The following MYH2 variants were observed in gnomAD, a reference collection of about 807,000 sequenced individuals.
MYH2 encodes the protein myosin heavy chain 2, also known as myosin-2.
MYH2 carries 139 observed loss-of-function variants against 228.1 expected under a neutral mutation model. That is an observed-to-expected ratio of 0.61 (90% CI 0.53 to 0.70). MYH2 has a LOEUF of 0.70. Ranked by LOEUF, MYH2 falls within the 30% of genes least tolerant of loss-of-function variation. The pLI is 0.00. For synonymous variants in MYH2, 796 were observed against 871.1 expected, an observed-to-expected ratio of 0.91 and a Z score of 1.52; for missense variants, 1,809 against 2,357.5, an observed-to-expected ratio of 0.77 and a Z score of 4.82.
chr17:10,533,896 A>G (rs1446597663), intron 19 of MYH2, among the ~76,000 whole-genome samples: 2 of 152,202 alleles, frequency 1.3e-5, no homozygotes, highest in Non-Finnish European at 2.9e-5. Context: ...GGGACACATT[A>G]TGGTGTGCCT....
chr17:10,543,784 A>G lies in MYH2; in HGVS notation c.668T>C (p.Ile223Thr). 6.2e-7 allele frequency: 1 copy of G among 1,614,152 alleles called. No individual in the cohort carries two copies. Among genetic ancestry groups the G allele is most frequent in the Non-Finnish European group, 8.5e-7 (1 of 1,180,026 alleles). Residue 223 changes from isoleucine to threonine, a missense_variant, in exon 8 of 40, where the codon ATC (isoleucine) becomes ACC (threonine). Around this residue, in one of 9 missense-constraint regions of MYH2, gnomAD observed 373 missense variants for 620.4 expected, o/e 0.60. Coordinates refer to ENST00000245503, the MANE Select transcript of MYH2 (RefSeq NM_017534.6). ...CTCCAGTAGGGGGTTGGCACTGATGATTTGATCTTCCAGAGTCCCCTGCAA... is the reference window on the plus strand; with the variant it reads ...CTCCAGTAGGGGGTTGGCACTGATGGTTTGATCTTCCAGAGTCCCCTGCAA... ...GKIQGTLEDQ[I>T]ISANPLLEAF...
intron 4 of MYH2, among the ~76,000 whole-genome samples, chr17:10,546,255 TGATATATATATATA>T (rs1195240170): frequency 7.4e-5 from 2 of 27,146 alleles, no homozygotes; most frequent in African/African-American, 1.9e-4. Context: ...GGACACGAAA[TGATATATATATATA>T]TATATATATA....
intron 17 of MYH2, among the ~76,000 whole-genome samples, chr17:10,536,323 T>C (rs528411555): frequency 1.3e-5 from 2 of 151,910 alleles, no homozygotes; most frequent in East Asian, 3.9e-4. Context: ...AAATAAAAAA[T>C]AAATTTAAAA....
At position 10,524,726 on chromosome 17, in the gene MYH2, A is replaced by T. The variant is rs368674569; in HGVS notation, c.4971+31T>A. 15 of 1,614,216 alleles carry T rather than the reference A, an allele frequency of 9.3e-6. No individual in the cohort carries two copies. Among genetic ancestry groups the T allele is most frequent in the Non-Finnish European group, 1.3e-5 (15 of 1,180,038 alleles). The stretch of plus-strand genomic sequence containing the variant: ...TTCTCAGGGTTGCAGGCACCCCAAT[A>T]GTCCTGGGACCATCTCTTGGACATA... On this transcript the variant is annotated intron_variant, in intron 34 of 39. Coordinates refer to ENST00000245503, the MANE Select transcript of MYH2 (RefSeq NM_017534.6). This position sits in a 1 kb window ranked among gnomAD's most constrained non-coding sequence, Gnocchi z 4.7.
intron 10 of MYH2, among the ~76,000 whole-genome samples, chr17:10,541,265 TA>T (rs1258895801): frequency 6.6e-6 from 1 of 152,136 alleles, no homozygotes; most frequent in African/African-American, 2.4e-5. Context: ...ATAGAAGAAA[TA>T]TCGCTGAATT....
intron 19 of MYH2, 86 bp downstream of exon 19, chr17:10,534,987 A>C: frequency 7.1e-7 from 1 of 1,403,310 alleles, no homozygotes; most frequent in Non-Finnish European, 1.0e-6. Flanking sequence ...TAACAAGTAG[A>C]GGCATATGTT....
chr17:10,522,664 A>C lies in MYH2; in HGVS notation c.5673+426T>G, dbSNP rs969848416. 4.6e-5 allele frequency among the ~76,000 whole-genome samples: 7 copies of C among 152,202 alleles called. 1 individual carries two copies. In the South Asian group the frequency reaches 1.5e-3, roughly 32 times the overall value. On this transcript the variant is annotated intron_variant, in intron 39 of 39. Transcript: ENST00000245503. ...AGCCTCCTAGCACAGCTTTGACTAC[A>C]TTCTGTAGGTTTGTAAAAGTAGCAT...
At position 10,525,670 on chromosome 17, in the gene MYH2, G is replaced by A. The variant is rs1184435818; in HGVS notation, c.4371+23C>T. The A allele has an allele frequency of 1.9e-6, 3 of 1,614,186 alleles. No homozygotes were observed. The highest frequency in any genetic ancestry group is 2.5e-6 in the Non-Finnish European group (3 of 1,180,044). The stretch of plus-strand genomic sequence containing the variant: ...CAAAGACAAAAGAGTAGAGTAAAGA[G>A]CAGAAGATGCTGGAGGAATTACCTT... On this transcript the variant is annotated intron_variant, in intron 31 of 39. Transcript: ENST00000245503. This position sits in a 1 kb window ranked among gnomAD's most constrained non-coding sequence, Gnocchi z 4.2.
Position 10,527,777 on chromosome 17 carries a change from G to A in MYH2, c.3842C>T (p.Ala1281Val), listed in dbSNP as rs756055649. 4.3e-6 allele frequency: 7 copies of A among 1,613,930 alleles called. No homozygotes were observed. The highest frequency in any genetic ancestry group is 1.1e-5 in the South Asian group (1 of 91,086). Residue 1281 changes from alanine (A) to valine (V), a missense_variant, in exon 28 of 40, where the codon GCG becomes GTG. Ala to Val is a moderately conservative substitution (Grantham distance 64). Transcript: ENST00000245503. The part of the protein sequence containing the change: ...EQQRLINDLT[A>V]QRGRLQTESG... ...TTCAGTCTGCAGGCGCCCCCTCTGC[G>A]CAGTCAGGTCATTGATCAGCCGCTG... is the stretch of plus-strand genomic sequence containing the variant.
rs747616140 is a variant in MYH2, at chr17:10,524,430, A to C, written c.5175+36T>G. The C allele has an allele frequency of 1.2e-6, 2 of 1,613,748 alleles. No individual in the cohort carries two copies. The highest frequency in any genetic ancestry group is 1.7e-5 in the Admixed American group (1 of 60,018). ...GGCTTATCTATTCTGGGACATATAA[A>C]ATTTACTAAGGAGAGTTCTTTGTGC... On this transcript the variant is annotated intron_variant, in intron 35 of 39. Transcript: ENST00000245503. The surrounding 1 kb of genome is among the most constrained non-coding windows in gnomAD (Gnocchi z 4.7).
intron 5 of MYH2, among the ~76,000 whole-genome samples, chr17:10,544,990 T>C (rs62060664): frequency 1.3e-5 from 2 of 150,772 alleles, no homozygotes; most frequent in East Asian, 2.0e-4. Flanking sequence ...AGACACAGTT[T>C]GTATGTGTGA....
intron 8 of MYH2, 90 bp downstream of exon 8, chr17:10,543,621 G>C: frequency 6.5e-7 from 1 of 1,531,718 alleles, no homozygotes; most frequent in Non-Finnish European, 9.0e-7. Context: ...TAATAGAATG[G>C]GAATGAAAAA....
At chr17:10,548,416 A>G (rs953769144) in intron 2 of MYH2, among the ~76,000 whole-genome samples, 1 of 152,222 alleles carries the variant, frequency 6.6e-6, no homozygotes, top group Non-Finnish European at 1.5e-5. Flanking sequence ...TTTATATATG[A>G]GATGTCATGA....
In MYH2 at chr17:10,524,046, T is replaced by C. The variant is rs1567727089; in HGVS notation, c.5176-162A>G. 6.6e-6 allele frequency among the ~76,000 whole-genome samples: 1 copy of C among 152,212 alleles called. No individual in the cohort carries two copies. The highest frequency in any genetic ancestry group is 1.5e-5 in the Non-Finnish European group (1 of 68,042). Reference sequence around the variant, plus strand: ...TTATGTAATATGATTAAATAAAATATAAATGTTATAGAATATTCAGCATCT... The same window carrying C: ...TTATGTAATATGATTAAATAAAATACAAATGTTATAGAATATTCAGCATCT... On this transcript the variant is annotated intron_variant, in intron 35 of 39. Transcript: ENST00000245503. This position sits in a 1 kb window ranked among gnomAD's most constrained non-coding sequence, Gnocchi z 4.7.
At chr17:10,522,423 A>G (rs2073295166) in intron 39 of MYH2, among the ~76,000 whole-genome samples, 2 of 152,250 alleles carry the variant, frequency 1.3e-5, no homozygotes, top group East Asian at 1.9e-4. Flanking sequence ...GAAACTAGTT[A>G]TAATACATTT....
At position 10,521,297 on chromosome 17, in the gene MYH2, CTT is replaced by C. The variant is rs745516751; in HGVS notation, c.5807_5808del (p.Lys1936SerfsTer4). On this transcript the variant is annotated frameshift_variant, in exon 40 of 40. Coordinates refer to ENST00000245503, the MANE Select transcript of MYH2 (RefSeq NM_017534.6). LOFTEE classifies it high-confidence loss of function. The part of the protein sequence containing the change: ...LRVKSREVHT[K>X]VISEE ...GGACATGATCACTCTTCACTTATGA[CTT>C]TTGTGTGAACCTCCCGGCTCTTCAC... 1.9e-6 allele frequency: 3 copies of C among 1,613,956 alleles called. No individual in the cohort carries two copies. Among genetic ancestry groups the C allele is most frequent in the Non-Finnish European group, 2.5e-6 (3 of 1,180,018 alleles).
intron 3 of MYH2, 34 bp from the exon 4 acceptor site, chr17:10,547,652 T>C (rs771151947): frequency 1.2e-6 from 2 of 1,614,158 alleles, no homozygotes; most frequent in South Asian, 1.1e-5. Context: ...TTTACATTAA[T>C]TGAGTGACCA....
At chr17:10,544,242 G>T in intron 5 of MYH2, 115 bp from the exon 6 acceptor site, 1 of 1,317,670 alleles carries the variant, frequency 7.6e-7, no homozygotes, top group Admixed American at 2.0e-5. Flanking sequence ...AACCTTTAGG[G>T]CTTGGCAGGC....
Position 10,525,632 on chromosome 17 carries a change from C to T in MYH2, c.4372-16G>A. The stretch of plus-strand genomic sequence containing the variant: ...CTGCCAGGATCTGAAAAACCAAGAC[C>T]TGTTACCTGCTGCAAAGACAAAAGA... On this transcript the variant is annotated splice_polypyrimidine_tract_variant and intron_variant, in intron 31 of 39. Transcript: ENST00000245503. This position sits in a 1 kb window ranked among gnomAD's most constrained non-coding sequence, Gnocchi z 4.2. 1.2e-6 allele frequency: 2 copies of T among 1,614,140 alleles called. No homozygotes were observed. The highest frequency in any genetic ancestry group is 1.7e-6 in the Non-Finnish European group (2 of 1,180,008).
Sources: allele counts gnomAD v4.1 joint callset (sites outside exome capture counted in the v4.1 genomes callset), GRCh38; gene constraint gnomAD v4.1.1; regional missense constraint gnomAD v4.1.1; non-coding constraint Gnocchi (gnomAD v3.1); transcripts MANE v1.5; gene names NCBI Gene and HGNC (gene_info 2026-07-23, HGNC 2026-07-21).